Variants in SPTBN1 observed in about 807,000 individuals in gnomAD.
SPTBN1 encodes spectrin beta chain, non-erythrocytic 1.
SPTBN1 carries 32 observed loss-of-function variants against 266.4 expected under a neutral mutation model. The observed-to-expected ratio is 0.12, with a 90% CI of 0.09 to 0.16. The LOEUF (loss-of-function observed/expected upper bound fraction) is 0.16, where lower values mean the gene tolerates loss of function less well. Among genes scored for constraint, SPTBN1 ranks in the 10% least tolerant of loss-of-function variants. SPTBN1 has a pLI of 1.00. For missense variants in SPTBN1, 2,296 were observed against 3,067.1 expected (o/e 0.75, Z 5.94); for synonymous variants, 1,336 against 1,162.2 (o/e 1.15, Z -3.04).
At chr2:54,618,237 C>T (rs1558433336) in intron 7 of SPTBN1, 44 bp downstream of exon 7, 2 of 1,468,580 alleles carry the variant, frequency 1.4e-6, no homozygotes, top group South Asian at 1.1e-5. Flanking sequence ...AGCATCTGTA[C>T]CATCCAGGTG....
chr2:54,655,725 C>T (rs891976529), intron 28 of SPTBN1, among the ~76,000 whole-genome samples, 189 bp from the exon 29 acceptor site: 2 of 152,262 alleles, frequency 1.3e-5, no homozygotes, highest in African/African-American at 4.8e-5. Flanking sequence ...CCTCCAGCCC[C>T]TTCTGGAAGG....
At chr2:54,612,615 G>A (rs996241234) in intron 4 of SPTBN1, among the ~76,000 whole-genome samples, 7 of 152,106 alleles carry the variant, frequency 4.6e-5, no homozygotes, top group South Asian at 4.1e-4. Context: ...ATCCCAGCCC[G>A]CCACTTTGCT....
chr2:54,618,501 T>G (rs868529951), intron 7 of SPTBN1, among the ~76,000 whole-genome samples: 37 of 152,206 alleles, frequency 2.4e-4, no homozygotes, highest in African/African-American at 8.4e-4. Flanking sequence ...GAATGGTGTT[T>G]AGGGTAATAG....
chr2:54,490,660 G>A (rs192271168), intron 1 of SPTBN1, among the ~76,000 whole-genome samples: 4 of 152,324 alleles, frequency 2.6e-5, no homozygotes, highest in Non-Finnish European at 4.4e-5. Context: ...TAGTAGCAAA[G>A]ATGGGCTTGG....
chr2:54,548,758 A>G (rs1010609082), intron 2 of SPTBN1, among the ~76,000 whole-genome samples: 4 of 152,126 alleles, frequency 2.6e-5, no homozygotes, highest in Non-Finnish European at 5.9e-5. Flanking sequence ...TGGCTTAGAT[A>G]GAGGAATTTT....
chr2:54,484,602 G>A (rs1558766853), intron 1 of SPTBN1, among the ~76,000 whole-genome samples: 1 of 152,220 alleles, frequency 6.6e-6, no homozygotes, highest in East Asian at 1.9e-4. Flanking sequence ...GTCTTCTGTA[G>A]TTGCCATCCT....
At chr2:54,635,567 T>C (rs1679065268) in intron 17 of SPTBN1, among the ~76,000 whole-genome samples, 1 of 152,274 alleles carries the variant, frequency 6.6e-6, no homozygotes, top group Non-Finnish European at 1.5e-5. Flanking sequence ...GGATTCTGTA[T>C]GGTCATATTT....
intron 18 of SPTBN1, among the ~76,000 whole-genome samples, chr2:54,639,926 C>G (rs1228275972): frequency 6.6e-6 from 1 of 152,158 alleles, no homozygotes; most frequent in African/African-American, 2.4e-5. Context: ...CTGGTTTATC[C>G]TGTCTTCCCT....
In SPTBN1 at chr2:54,668,395, C is replaced by T. The variant is rs768801946; in HGVS notation, c.6921C>T (p.Ser2307=). Residue 2307 remains serine, a synonymous_variant, in exon 36 of 36, where the codon TCC becomes TCT. Transcript: ENST00000356805. ...TCCAGGCTATCTCTTCCGCCATCTCCTCTGATAAACACGAGGTGTCTGCCA... is the reference window on the plus strand; with the variant it reads ...TCCAGGCTATCTCTTCCGCCATCTCTTCTGATAAACACGAGGTGTCTGCCA... ...TWIQAISSAI[S]SDKHEVSAST... 1.8e-5 allele frequency: 29 copies of T among 1,614,044 alleles called. No individual in the cohort carries two copies. Among genetic ancestry groups the T allele is most frequent in the Non-Finnish European group, 2.4e-5 (28 of 1,180,036 alleles).
chr2:54,659,008 C>T, intron 30 of SPTBN1, 146 bp from the exon 31 acceptor site: 1 of 759,756 alleles, frequency 1.3e-6, no homozygotes, highest in Non-Finnish European at 2.2e-6. Flanking sequence ...GAACCTAATT[C>T]CATTTGGCTC....
intron 4 of SPTBN1, 112 bp downstream of exon 4, chr2:54,612,446 G>A: frequency 2.4e-6 from 3 of 1,263,896 alleles, no homozygotes; most frequent in Non-Finnish European, 3.2e-6. Flanking sequence ...CAGGTTGAAA[G>A]CATGTCTCAG....
At chr2:54,494,354 T>C (rs972079028) in intron 1 of SPTBN1, among the ~76,000 whole-genome samples, 1 of 152,206 alleles carries the variant, frequency 6.6e-6, no homozygotes, top group African/African-American at 2.4e-5. Flanking sequence ...TGACCTGTGA[T>C]ATTACCCAGA....
chr2:54,522,177 C>T (rs1325441439), intron 1 of SPTBN1, among the ~76,000 whole-genome samples: 1 of 152,012 alleles, frequency 6.6e-6, no homozygotes, highest in African/African-American at 2.4e-5. Context: ...GCTGGGATTA[C>T]AGGCGTGAGC....
chr2:54,481,447 T>A (rs1434473105), intron 1 of SPTBN1, among the ~76,000 whole-genome samples: 1 of 148,134 alleles, frequency 6.8e-6, no homozygotes, highest in Admixed American at 6.7e-5. Flanking sequence ...TGTGTTTTGT[T>A]TTGTTTGTTT....
intron 33 of SPTBN1, 57 bp from the exon 34 acceptor site, chr2:54,665,858 T>C: frequency 6.5e-7 from 1 of 1,544,974 alleles, no homozygotes; most frequent in Non-Finnish European, 8.7e-7. Context: ...TTTAGTTCTT[T>C]AAGGGGAATG....
chr2:54,640,397 G>A (rs1377105035), intron 18 of SPTBN1, among the ~76,000 whole-genome samples: 1 of 151,854 alleles, frequency 6.6e-6, no homozygotes, highest in East Asian at 1.9e-4. Flanking sequence ...ATCCGCCCCT[G>A]TTACCACCCC....
chr2:54,669,788 T>C lies in SPTBN1; in HGVS notation c.*1219T>C, dbSNP rs900634122. On this transcript the variant is annotated 3_prime_UTR_variant, in exon 36 of 36. Coordinates refer to ENST00000356805, the MANE Select transcript of SPTBN1 (RefSeq NM_003128.3). ...TTTTACAACCAGTCTGGGCTCACTT[T>C]TGCATTTTTTATGCATGTCTGGTGC... 1 of 152,412 alleles carries C rather than the reference T, an allele frequency of 6.6e-6. No individual in the cohort carries two copies. The highest frequency in any genetic ancestry group is 2.4e-5 in the African/African-American group (1 of 41,474). The allele number at this position is 152,412 out of a possible 1,614,324, so 9.4% of individuals were successfully genotyped here. A position where few individuals can be genotyped will look rare whatever the true frequency, so the allele number is the denominator to read the frequency against.
intron 29 of SPTBN1, among the ~76,000 whole-genome samples, chr2:54,656,919 C>T (rs77740106): frequency 0.037 from 5,630 of 152,266 alleles, 362 homozygotes; most frequent in African/African-American, 0.13. Context: ...ACAGTCCCTG[C>T]CTTGAAAAGC....
chr2:54,498,325 T>G (rs1023014583), intron 1 of SPTBN1, among the ~76,000 whole-genome samples: 2 of 152,338 alleles, frequency 1.3e-5, no homozygotes, highest in African/African-American at 2.4e-5. Flanking sequence ...ATTTTAAATT[T>G]TATTTAATTT....
Sources: gnomAD v4.1 joint callset for allele counts (sites outside exome capture counted in the v4.1 genomes callset) on GRCh38, gnomAD v4.1.1 for gene constraint, MANE v1.5 for transcripts, NCBI Gene and HGNC (gene_info 2026-07-23, HGNC 2026-07-21) for gene names.